ADAMTS17: variants seen among roughly 807,000 people sequenced by gnomAD.
ADAMTS17 encodes ADAM metallopeptidase with thrombospondin type 1 motif 17.
A neutral mutation model predicts 141.5 loss-of-function variants in ADAMTS17; 113 were observed. The ratio of observed to expected loss-of-function variants is 0.80; its 90% CI spans 0.69 to 0.93. The LOEUF is 0.93. ADAMTS17 is among the 40% of genes least tolerant of loss of function. The probability of loss-of-function intolerance (pLI) is 0.00; values close to 1 mark genes in which losing one functional copy is unlikely to be tolerated. For synonymous variants in ADAMTS17, 768 were observed against 630.6 expected, an observed-to-expected ratio of 1.22 and a Z score of -3.27; for missense variants, 1,659 against 1,517.9, an observed-to-expected ratio of 1.09 and a Z score of -1.54.
intron 15 of ADAMTS17, among the ~76,000 whole-genome samples, chr15:100,067,599 C>A (rs1255571063): frequency 6.6e-6 from 1 of 152,044 alleles, no homozygotes. Context: ...TTCTTTTGAA[C>A]ATCAGAGTAC....
At chr15:100,178,261 G>C (rs2040407275) in intron 8 of ADAMTS17, among the ~76,000 whole-genome samples, 1 of 152,028 alleles carries the variant, frequency 6.6e-6, no homozygotes, top group Non-Finnish European at 1.5e-5. Context: ...TGGGTTACTT[G>C]AACATCAATT....
chr15:100,199,127 C>G (rs1040152743), intron 8 of ADAMTS17, among the ~76,000 whole-genome samples, 191 bp downstream of exon 8: 2 of 152,092 alleles, frequency 1.3e-5, no homozygotes, highest in African/African-American at 4.8e-5. Flanking sequence ...TTCAACTCTC[C>G]AAGCCAATCG....
chr15:100,291,569 T>C (rs934716866), intron 3 of ADAMTS17, among the ~76,000 whole-genome samples: 2 of 152,038 alleles, frequency 1.3e-5, no homozygotes, highest in Non-Finnish European at 2.9e-5. Flanking sequence ...CGATTCACAA[T>C]AGCAAAAACC....
chr15:100,051,884 C>T (rs2032178361), intron 16 of ADAMTS17, among the ~76,000 whole-genome samples, 153 bp from the exon 17 acceptor site: 1 of 152,174 alleles, frequency 6.6e-6, no homozygotes, highest in Admixed American at 6.5e-5. Context: ...TGAGGGTGCT[C>T]CTTTATCTCA....
chr15:100,257,601 T>C (rs2043370268), intron 6 of ADAMTS17, among the ~76,000 whole-genome samples: 1 of 152,262 alleles, frequency 6.6e-6, no homozygotes, highest in Non-Finnish European at 1.5e-5. Flanking sequence ...CCCAGCAGCC[T>C]GTGGCTGACA....
At chr15:100,263,037 A>G (rs2043585807) in intron 4 of ADAMTS17, among the ~76,000 whole-genome samples, 1 of 152,230 alleles carries the variant, frequency 6.6e-6, no homozygotes, top group African/African-American at 2.4e-5. Context: ...ATGTATATAG[A>G]TAAAGCTAAG....
chr15:100,105,918 T>C (rs990819160), intron 14 of ADAMTS17, among the ~76,000 whole-genome samples: 1 of 152,188 alleles, frequency 6.6e-6, no homozygotes, highest in Non-Finnish European at 1.5e-5. Flanking sequence ...CTGGAACTCC[T>C]GACCTCCAGT....
intron 3 of ADAMTS17, among the ~76,000 whole-genome samples, chr15:100,284,914 G>A (rs1251898022): frequency 6.6e-6 from 1 of 152,206 alleles, no homozygotes; most frequent in Non-Finnish European, 1.5e-5. Flanking sequence ...GCCGGGGAGT[G>A]CTCCAAGCTC....
intron 3 of ADAMTS17, among the ~76,000 whole-genome samples, chr15:100,286,290 C>T (rs115979522): frequency 0.023 from 3,431 of 152,252 alleles, 135 homozygotes; most frequent in African/African-American, 0.078. Flanking sequence ...CACCGCCCTA[C>T]GCACCTCCAC....
chr15:100,261,721 G>T, intron 5 of ADAMTS17, 85 bp from the exon 6 acceptor site: 1 of 1,461,004 alleles, frequency 6.8e-7, no homozygotes, highest in Non-Finnish European at 9.4e-7. Flanking sequence ...ACGTTAAGGT[G>T]GAGGCAGTCA....
intron 3 of ADAMTS17, among the ~76,000 whole-genome samples, chr15:100,289,500 T>C (rs1340182654): frequency 2.0e-5 from 3 of 152,008 alleles, no homozygotes; most frequent in East Asian, 3.9e-4. Flanking sequence ...GTCAGCATCA[T>C]TCTGATGCCA....
chr15:100,276,710 G>A (rs1415332365), intron 4 of ADAMTS17, among the ~76,000 whole-genome samples: 1 of 152,084 alleles, frequency 6.6e-6, no homozygotes, highest in African/African-American at 2.4e-5. Context: ...GAAACAGATG[G>A]GCTCGCTGGC....
intron 18 of ADAMTS17, among the ~76,000 whole-genome samples, chr15:100,037,501 C>A (rs1020450117): frequency 3.3e-5 from 5 of 151,666 alleles, no homozygotes; most frequent in African/African-American, 4.8e-5. Context: ...ACCTTCGCCT[C>A]TGGGGCTCAA....
At chr15:100,034,328 C>A (rs1257372212) in intron 18 of ADAMTS17, among the ~76,000 whole-genome samples, 1 of 152,240 alleles carries the variant, frequency 6.6e-6, no homozygotes, top group Non-Finnish European at 1.5e-5. Flanking sequence ...ACCTGACATG[C>A]CCACGGAATC....
chr15:100,093,914 A>G (rs1375262865), intron 15 of ADAMTS17, among the ~76,000 whole-genome samples: 1 of 152,030 alleles, frequency 6.6e-6, no homozygotes, highest in Admixed American at 6.6e-5. Context: ...TTGTATCTCT[A>G]AAGTGCATTC....
chr15:100,248,038 G>C (rs2141932729), intron 7 of ADAMTS17, among the ~76,000 whole-genome samples: 1 of 152,196 alleles, frequency 6.6e-6, no homozygotes, highest in East Asian at 1.9e-4. Flanking sequence ...CCCAAGTTCA[G>C]GGAAAGCCAT....
intron 8 of ADAMTS17, among the ~76,000 whole-genome samples, chr15:100,189,293 C>G (rs2040833439): frequency 6.6e-6 from 1 of 152,202 alleles, no homozygotes; most frequent in African/African-American, 2.4e-5. Flanking sequence ...AAGGACAGCT[C>G]AACTGGGGGA....
At chr15:100,033,298 G>A (rs894858069) in intron 18 of ADAMTS17, among the ~76,000 whole-genome samples, 2 of 152,286 alleles carry the variant, frequency 1.3e-5, no homozygotes, top group Non-Finnish European at 2.9e-5. Context: ...ACCCAGTCAT[G>A]AAGGGTTTGG....
intron 6 of ADAMTS17, among the ~76,000 whole-genome samples, chr15:100,257,643 C>T (rs1194620074): frequency 6.6e-6 from 1 of 152,258 alleles, no homozygotes; most frequent in Non-Finnish European, 1.5e-5. Context: ...TGGATGAGGA[C>T]ATTGCCCATG....
Sources: gnomAD v4.1 joint callset for allele counts (sites outside exome capture counted in the v4.1 genomes callset) on GRCh38, gnomAD v4.1.1 for gene constraint, MANE v1.5 for transcripts, NCBI Gene and HGNC (gene_info 2026-07-23, HGNC 2026-07-21) for gene names.